The following BCKDHB variants were observed in gnomAD, a reference collection of about 807,000 sequenced individuals.
BCKDHB encodes branched chain keto acid dehydrogenase E1 subunit beta.
In BCKDHB, 41 loss-of-function variants were observed where a neutral mutation model predicts 48.5. The observed-to-expected ratio is 0.85, with a 90% confidence interval of 0.66 to 1.10. The LOEUF (loss-of-function observed/expected upper bound fraction) is 1.10, where lower values mean the gene tolerates loss of function less well. Ranked by LOEUF, BCKDHB falls within the 50% of genes least tolerant of loss-of-function variation. BCKDHB has a pLI of 0.00. For missense variants in BCKDHB, 496 were observed against 494.2 expected, an observed-to-expected ratio of 1.00 and a Z score of -0.03; for synonymous variants, 201 against 174.8, an observed-to-expected ratio of 1.15 and a Z score of -1.18.
intron 9 of BCKDHB, among the ~76,000 whole-genome samples, chr6:80,279,324 T>C (rs1374970924): frequency 2.0e-5 from 3 of 151,942 alleles, no homozygotes; most frequent in Non-Finnish European, 4.4e-5. Context: ...CATCTAATTT[T>C]TTGTATTTCT....
At chr6:80,341,241 A>G (rs1245143717) in intron 9 of BCKDHB, among the ~76,000 whole-genome samples, 5 of 152,224 alleles carry the variant, frequency 3.3e-5, no homozygotes, top group Non-Finnish European at 5.9e-5. Context: ...AAATTAAGGA[A>G]GCCCTATGTG....
intron 8 of BCKDHB, among the ~76,000 whole-genome samples, chr6:80,262,227 A>T (rs1481853422): frequency 2.0e-5 from 3 of 152,182 alleles, no homozygotes. Context: ...ATTTAAAGGC[A>T]GTATTTCTAA....
At chr6:80,217,407 T>C (rs963426882) in intron 8 of BCKDHB, among the ~76,000 whole-genome samples, 5 of 152,244 alleles carry the variant, frequency 3.3e-5, no homozygotes, top group African/African-American at 9.6e-5. Context: ...AATTAAGTTA[T>C]ATAGTTTCTT....
rs570868313 is a variant in BCKDHB at position 80,218,273 on chromosome 6, A to G, written c.951+15061A>G. Among the ~76,000 whole-genome samples the G allele has an allele frequency of 3.9e-5, 6 of 152,134 alleles. No homozygotes were observed. The East Asian group carries it at 9.7e-4, about 25-fold the overall frequency. On this transcript the variant is annotated intron_variant, in intron 8 of 9. Transcript: ENST00000320393. ...GGGTCACATCTTTATCTTGGCTATA[A>G]TGGAGGCTGGAAAACATAGTTTTTT...
At chr6:80,263,583 A>G (rs766131503) in intron 8 of BCKDHB, among the ~76,000 whole-genome samples, 18 of 152,104 alleles carry the variant, frequency 1.2e-4, no homozygotes, top group Non-Finnish European at 2.6e-4. Flanking sequence ...TTGCTTCACA[A>G]TGGGCCAAAA....
At chr6:80,283,887 C>G (rs1394165749) in intron 9 of BCKDHB, among the ~76,000 whole-genome samples, 2 of 152,102 alleles carry the variant, frequency 1.3e-5, no homozygotes, top group African/African-American at 2.4e-5. Flanking sequence ...GTATCCATAA[C>G]CTGGCTGATT....
At chr6:80,351,328 A>T in the BCKDHB span, among the ~76,000 whole-genome samples, 1 of 152,188 alleles carries the variant, frequency 6.6e-6, no homozygotes, top group Admixed American at 6.5e-5. Flanking sequence ...GTGTGTATAT[A>T]TATAGACAAA....
chr6:80,454,787 T>C, the BCKDHB span, among the ~76,000 whole-genome samples: 1 of 152,202 alleles, frequency 6.6e-6, no homozygotes, highest in African/African-American at 2.4e-5. Flanking sequence ...TCAGACTAGG[T>C]CCTCCAAAGT....
intron 8 of BCKDHB, among the ~76,000 whole-genome samples, chr6:80,242,728 A>T (rs1776439292): frequency 6.6e-6 from 1 of 152,120 alleles, no homozygotes; most frequent in Non-Finnish European, 1.5e-5. Context: ...TAATCTTTGC[A>T]TCATGGGGAG....
chr6:80,241,267 A>G (rs1033814615), intron 8 of BCKDHB, among the ~76,000 whole-genome samples: 1 of 152,302 alleles, frequency 6.6e-6, no homozygotes, highest in African/African-American at 2.4e-5. Context: ...CGTCAAAGTC[A>G]TTCTCCATCC....
rs575991853 is a variant in BCKDHB at position 80,177,225 on chromosome 6, C to CAAAAAAAAAAAA, written c.742+5854_742+5865dup. ...CCTGGATGACAGTGAGACCTTGTCT[C>CAAAAAAAAAAAA]AAAAAAAAAAAAAAAAAAAAAAAAA... On this transcript the variant is annotated intron_variant, in intron 6 of 9. Coordinates refer to ENST00000320393, the MANE Select transcript of BCKDHB (RefSeq NM_183050.4). Among the ~76,000 whole-genome samples, 11 of 43,150 alleles carry CAAAAAAAAAAAA rather than the reference C, an allele frequency of 2.5e-4. 1 individual carries two copies. The highest frequency in any genetic ancestry group is 4.8e-4 in the African/African-American group (5 of 10,448). The allele number at this position is 43,150 out of a possible 152,430, so 28.3% of individuals were successfully genotyped here. A position where few individuals can be genotyped will look rare whatever the true frequency, so the allele number is the denominator to read the frequency against.
chr6:80,286,416 A>C (rs1252432348), intron 9 of BCKDHB, among the ~76,000 whole-genome samples: 1 of 152,198 alleles, frequency 6.6e-6, no homozygotes, highest in Non-Finnish European at 1.5e-5. Flanking sequence ...AAATTGGGAC[A>C]AAATATTTTG....
At chr6:80,222,588 CT>C (rs1775507580) in intron 8 of BCKDHB, among the ~76,000 whole-genome samples, 4 of 152,238 alleles carry the variant, frequency 2.6e-5, no homozygotes, top group Admixed American at 2.6e-4. Context: ...TGTTCCTGAT[CT>C]TTTTTTCCCA....
chr6:80,448,062 G>A, the BCKDHB span, among the ~76,000 whole-genome samples: 2 of 152,126 alleles, frequency 1.3e-5, no homozygotes, highest in Admixed American at 6.5e-5. Context: ...AGAGTTAAAC[G>A]GAGGTGCTGG....
At chr6:80,359,117 G>A in the BCKDHB span, among the ~76,000 whole-genome samples, 4 of 152,182 alleles carry the variant, frequency 2.6e-5, no homozygotes, top group Admixed American at 2.0e-4. Context: ...AGGCCTGCAC[G>A]TGACATTAGT....
chr6:80,278,269 C>G (rs1051296650), intron 9 of BCKDHB, among the ~76,000 whole-genome samples: 3 of 152,066 alleles, frequency 2.0e-5, no homozygotes, highest in Non-Finnish European at 2.9e-5. Context: ...AAAGATGGAG[C>G]CAGAGCATCA....
intron 3 of BCKDHB, among the ~76,000 whole-genome samples, chr6:80,157,798 TG>T (rs1450667706): frequency 5.3e-5 from 8 of 152,052 alleles, no homozygotes; most frequent in Non-Finnish European, 1.2e-4. Flanking sequence ...TATATTTGGG[TG>T]GGCCTATAGT....
At chr6:80,422,859 G>T in the BCKDHB span, among the ~76,000 whole-genome samples, 1 of 152,280 alleles carries the variant, frequency 6.6e-6, no homozygotes, top group African/African-American at 2.4e-5. Flanking sequence ...AGGTGGAAGG[G>T]ACTTTGCTTG....
At chr6:80,284,621 C>T (rs1766538647) in intron 9 of BCKDHB, among the ~76,000 whole-genome samples, 1 of 152,018 alleles carries the variant, frequency 6.6e-6, no homozygotes, top group African/African-American at 2.4e-5. Flanking sequence ...GTCTATTTGT[C>T]TTTATCAAAA....
Sources: gnomAD v4.1 joint callset for allele counts (sites outside exome capture counted in the v4.1 genomes callset) on GRCh38, gnomAD v4.1.1 for gene constraint, MANE v1.5 for transcripts, NCBI Gene and HGNC (gene_info 2026-07-23, HGNC 2026-07-21) for gene names.